Variants in DIP2B observed in about 807,000 individuals in gnomAD.
DIP2B encodes disco-interacting protein 2 homolog B.
DIP2B carries 76 observed loss-of-function variants against 198.0 expected under a neutral mutation model. The observed-to-expected ratio is 0.38, with a 90% CI of 0.32 to 0.46. The LOEUF is 0.46. Ranked by LOEUF, DIP2B falls within the 20% of genes least tolerant of loss-of-function variation. DIP2B has a pLI of 0.99. For synonymous variants in DIP2B, 701 were observed against 739.1 expected (o/e 0.95, Z 0.84); for missense variants, 1,559 against 1,978.4 (o/e 0.79, Z 4.02).
chr12:50,696,028 C>T (rs1169330865), intron 16 of DIP2B, 61 bp downstream of exon 16: 12 of 1,606,570 alleles, frequency 7.5e-6, no homozygotes, highest in South Asian at 1.1e-5. Context: ...TAGGGTTTTT[C>T]GCCCTGTACT....
intron 7 of DIP2B, among the ~76,000 whole-genome samples, chr12:50,677,478 G>C (rs1424829014): frequency 6.6e-6 from 1 of 152,034 alleles, no homozygotes; most frequent in Non-Finnish European, 1.5e-5. Flanking sequence ...AGCCAGGCGT[G>C]GTGGCGGGCG....
intron 23 of DIP2B, among the ~76,000 whole-genome samples, chr12:50,717,419 G>T (rs1939747673): frequency 7.2e-6 from 1 of 138,384 alleles, no homozygotes; most frequent in African/African-American, 2.7e-5. Flanking sequence ...AGGCTGGAGT[G>T]CAGTGGCGCG....
At chr12:50,689,620 C>T (rs998345328) in intron 12 of DIP2B, among the ~76,000 whole-genome samples, 8 of 151,834 alleles carry the variant, frequency 5.3e-5, no homozygotes, top group South Asian at 4.2e-4. Context: ...GGGGCAGGGA[C>T]GGGGGTAAAG....
chr12:50,586,900 A>G (rs1958776303), intron 1 of DIP2B, among the ~76,000 whole-genome samples: 1 of 152,200 alleles, frequency 6.6e-6, no homozygotes, highest in South Asian at 2.1e-4. Flanking sequence ...AAAAGCTATT[A>G]TAAACGTTTT....
intron 4 of DIP2B, among the ~76,000 whole-genome samples, chr12:50,665,844 A>AT (rs1260510894): frequency 1.3e-5 from 2 of 152,046 alleles, no homozygotes; most frequent in Admixed American, 1.3e-4. Context: ...TGGAATGAGC[A>AT]TTTTTACAAC....
intron 1 of DIP2B, among the ~76,000 whole-genome samples, chr12:50,590,058 C>A (rs1168587669): frequency 1.3e-5 from 2 of 151,270 alleles, no homozygotes; most frequent in Non-Finnish European, 2.9e-5. Context: ...TGCAGTGACG[C>A]CATCATGGCT....
At chr12:50,667,207 A>G (rs1043366370) in intron 4 of DIP2B, among the ~76,000 whole-genome samples, 1 of 152,194 alleles carries the variant, frequency 6.6e-6, no homozygotes, top group African/African-American at 2.4e-5. Flanking sequence ...AATTGGTTAT[A>G]GATGGATTGT....
intron 1 of DIP2B, among the ~76,000 whole-genome samples, chr12:50,533,044 GGTA>G (rs1460519018): frequency 5.3e-5 from 8 of 152,320 alleles, no homozygotes; most frequent in Middle Eastern, 3.4e-3. Flanking sequence ...TAACAGCAAA[GGTA>G]GTAGTGAGAA....
Position 50,586,247 on chromosome 12 carries a change from T to C in DIP2B, c.101-39729T>C, listed in dbSNP as rs572629110. ...GGTGAGCATTCAAACAAAAATAAGA[T>C]TTGCATTTAAAAAGTGATTTCAGCT... On this transcript the variant is annotated intron_variant, in intron 1 of 37. Coordinates refer to ENST00000301180, the MANE Select transcript of DIP2B (RefSeq NM_173602.3). Among the ~76,000 whole-genome samples, 22 of 152,210 alleles carry C rather than the reference T, an allele frequency of 1.4e-4. No individual in the cohort carries two copies. In the South Asian group the frequency reaches 3.5e-3, roughly 24 times the overall value.
intron 1 of DIP2B, among the ~76,000 whole-genome samples, chr12:50,555,964 A>T (rs1445848370): frequency 6.6e-6 from 1 of 151,978 alleles, no homozygotes; most frequent in Non-Finnish European, 1.5e-5. Context: ...CCACACACCA[A>T]TCTTTAGAAA....
chr12:50,567,436 T>C (rs1014959974), intron 1 of DIP2B, among the ~76,000 whole-genome samples: 3 of 152,224 alleles, frequency 2.0e-5, no homozygotes, highest in African/African-American at 7.2e-5. Context: ...ATTTATAGCT[T>C]TTTCATAGTT....
chr12:50,744,652 C>T lies in DIP2B; in HGVS notation c.4544C>T (p.Ala1515Val), dbSNP rs553720706. ...VVELCGSEQEALDLVPLVTNV... is the reference protein window; with the variant it reads ...VVELCGSEQEVLDLVPLVTNV... ...GAACTGTGCGGCTCTGAACAGGAAG[C>T]CCTAGATCTGGTCCCATTAGTGACC... The change falls in exon 38 of 38, where the codon GCC becomes GTC. Residue 1515 changes from alanine to valine, a missense_variant. Coordinates refer to ENST00000301180, the MANE Select transcript of DIP2B (RefSeq NM_173602.3). The T allele has an allele frequency of 1.2e-6, 2 of 1,614,148 alleles. No individual in the cohort carries two copies. Among genetic ancestry groups the T allele is most frequent in the Admixed American group, 1.7e-5 (1 of 60,014 alleles).
At chr12:50,545,552 A>T (rs1264359373) in intron 1 of DIP2B, among the ~76,000 whole-genome samples, 3 of 151,348 alleles carry the variant, frequency 2.0e-5, no homozygotes, top group East Asian at 1.9e-4. Flanking sequence ...ATTAAAAAAA[A>T]TTTTTTTACA....
intron 37 of DIP2B, among the ~76,000 whole-genome samples, chr12:50,743,414 A>T (rs1175947756): frequency 1.3e-5 from 2 of 152,164 alleles, no homozygotes; most frequent in Non-Finnish European, 2.9e-5. Flanking sequence ...AGCCCTGCAT[A>T]CCAAGTCAGG....
chr12:50,574,773 G>A (rs1445827031), intron 1 of DIP2B, among the ~76,000 whole-genome samples: 2 of 152,244 alleles, frequency 1.3e-5, no homozygotes, highest in Admixed American at 6.5e-5. Flanking sequence ...GTTGGTGCCA[G>A]GGTAGGAGAA....
intron 4 of DIP2B, among the ~76,000 whole-genome samples, chr12:50,660,717 C>T (rs1938631096): frequency 6.6e-6 from 1 of 152,168 alleles, no homozygotes; most frequent in Non-Finnish European, 1.5e-5. Context: ...AAACCAAATG[C>T]TTCGTCTCTG....
At chr12:50,641,171 A>T (rs1211297201) in intron 3 of DIP2B, among the ~76,000 whole-genome samples, 1 of 152,196 alleles carries the variant, frequency 6.6e-6, no homozygotes. Flanking sequence ...AGCCAGGCCA[A>T]CATGGTGAAA....
chr12:50,572,416 G>A (rs969942469), intron 1 of DIP2B, among the ~76,000 whole-genome samples: 12 of 152,174 alleles, frequency 7.9e-5, no homozygotes, highest in African/African-American at 2.7e-4. Context: ...CATTTGCTAG[G>A]GAGAGAGTTA....
Position 50,721,521 on chromosome 12 carries a change from A to G in DIP2B, c.3166+125A>G, listed in dbSNP as rs572406833. The G allele has an allele frequency of 1.8e-5, 26 of 1,441,618 alleles. No individual in the cohort carries two copies. The South Asian group carries it at 3.4e-4, about 19-fold the overall frequency. The allele number at this position is 1,441,618 out of a possible 1,614,324, so 89.3% of individuals were successfully genotyped here. On this transcript the variant is annotated intron_variant, in intron 26 of 37. Coordinates refer to ENST00000301180, the MANE Select transcript of DIP2B (RefSeq NM_173602.3). ...AGCAGTGTACTTCCCAACACTTAGA[A>G]GACCATGCACACAGGCCAAAGTGGG...
Sources: allele counts gnomAD v4.1 joint callset (sites outside exome capture counted in the v4.1 genomes callset), GRCh38; gene constraint gnomAD v4.1.1; transcripts MANE v1.5; gene names NCBI Gene and HGNC (gene_info 2026-07-23, HGNC 2026-07-21).